Variants in SLC6A5 observed in about 807,000 individuals in gnomAD.
SLC6A5 encodes the protein solute carrier family 6 member 5.
SLC6A5 carries 58 observed loss-of-function variants against 90.5 expected under a neutral mutation model. That is an observed-to-expected ratio of 0.64 (90% CI 0.52 to 0.80). SLC6A5 has a LOEUF of 0.80. Among genes scored for constraint, SLC6A5 ranks in the 30% least tolerant of loss-of-function variants. The pLI, the probability that SLC6A5 is intolerant of heterozygous loss-of-function variation, is 0.00. For synonymous variants in SLC6A5, 427 were observed against 401.4 expected (o/e 1.06, Z -0.76); for missense variants, 1,015 against 1,017.6 (o/e 1.00, Z 0.03).
At chr11:20,647,387 AGT>A (rs1853438806) in intron 14 of SLC6A5, among the ~76,000 whole-genome samples, 2 of 142,170 alleles carry the variant, frequency 1.4e-5, no homozygotes, top group Non-Finnish European at 3.0e-5. Context: ...CCTATTATAT[AGT>A]TATATATATT....
At chr11:20,624,743 C>T (rs550008707) in intron 7 of SLC6A5, among the ~76,000 whole-genome samples, 2 of 152,318 alleles carry the variant, frequency 1.3e-5, no homozygotes, top group South Asian at 4.1e-4. Flanking sequence ...TGGATGGGAG[C>T]TTAACCTCAG....
chr11:20,608,875 T>G (rs572993885), intron 5 of SLC6A5, among the ~76,000 whole-genome samples: 5 of 150,034 alleles, frequency 3.3e-5, no homozygotes, highest in Non-Finnish European at 7.4e-5. Context: ...TTCTGCATTT[T>G]CTGCCATGAA....
chr11:20,639,164 T>G (rs1362953215), intron 13 of SLC6A5, among the ~76,000 whole-genome samples: 3 of 152,160 alleles, frequency 2.0e-5, no homozygotes, highest in Non-Finnish European at 2.9e-5. Flanking sequence ...TGGTGAGCTA[T>G]CAGATGCCAT....
chr11:20,626,193 C>T (rs940683372), intron 7 of SLC6A5, among the ~76,000 whole-genome samples: 1 of 152,234 alleles, frequency 6.6e-6, no homozygotes, highest in African/African-American at 2.4e-5. Flanking sequence ...TAAGGTCACA[C>T]AGCTAGTCAG....
intron 9 of SLC6A5, 68 bp downstream of exon 9, chr11:20,628,151 A>G (rs1853037923): frequency 8.0e-7 from 1 of 1,249,332 alleles, no homozygotes; most frequent in Non-Finnish European, 1.2e-6. Context: ...CTGAGTTATC[A>G]GACACCTGAG....
At position 20,601,507 on chromosome 11, in the gene SLC6A5, C is replaced by T. The variant is rs781152123; in HGVS notation, c.382C>T (p.Pro128Ser). Residue 128 changes from proline to serine, a missense_variant, in exon 2 of 16, where the codon CCG becomes TCG. Pro to Ser is a moderately conservative substitution (Grantham distance 74). Around this residue, in one of 3 missense-constraint regions of SLC6A5, gnomAD observed 567 missense variants for 507.3 expected, o/e 1.12. Transcript: ENST00000525748. ...CTGTAAGATCCCTTTTCTGCGAGGC[C>T]CGGAGGGGGATGCGAACGTGAGTGT... ...LHCKIPFLRG[P>S]EGDANVSVGK... 3 of 1,614,034 alleles carry T rather than the reference C, an allele frequency of 1.9e-6. No individual in the cohort carries two copies. The South Asian group carries it at 3.3e-5, about 18-fold the overall frequency.
intron 5 of SLC6A5, among the ~76,000 whole-genome samples, chr11:20,612,988 C>T (rs758229149): frequency 1.3e-5 from 2 of 152,180 alleles, no homozygotes; most frequent in African/African-American, 4.8e-5. Flanking sequence ...CCACAGTCCC[C>T]ACCTCTCTCT....
chr11:20,619,494 A>G (rs1034024847), intron 7 of SLC6A5, among the ~76,000 whole-genome samples: 22 of 152,204 alleles, frequency 1.4e-4, no homozygotes, highest in African/African-American at 5.1e-4. Context: ...GGTCAGCTAG[A>G]GAGAACCAGC....
chr11:20,612,102 G>A (rs1364779748), intron 5 of SLC6A5, among the ~76,000 whole-genome samples: 1 of 152,152 alleles, frequency 6.6e-6, no homozygotes, highest in Non-Finnish European at 1.5e-5. Flanking sequence ...TGAAAGGGAA[G>A]GGATTCTTAT....
At chr11:20,639,756 A>G (rs1274027249) in intron 13 of SLC6A5, among the ~76,000 whole-genome samples, 1 of 152,206 alleles carries the variant, frequency 6.6e-6, no homozygotes, top group African/African-American at 2.4e-5. Context: ...ACCTCCTGGT[A>G]CTCCAGAAAC....
intron 14 of SLC6A5, among the ~76,000 whole-genome samples, chr11:20,649,696 C>T (rs1853486964): frequency 6.6e-6 from 1 of 152,164 alleles, no homozygotes; most frequent in African/African-American, 2.4e-5. Flanking sequence ...ATTTATAGAG[C>T]TATAAATATT....
Position 20,637,361 on chromosome 11 carries a change from G to A in SLC6A5, c.1869+58G>A, listed in dbSNP as rs919015233. 3.5e-5 allele frequency: 52 copies of A among 1,499,806 alleles called. No homozygotes were observed. The East Asian group carries it at 4.7e-4, about 14-fold the overall frequency. The allele number at this position is 1,499,806 out of a possible 1,614,324, so 92.9% of individuals were successfully genotyped here. On this transcript the variant is annotated intron_variant, in intron 12 of 15. Coordinates refer to ENST00000525748, the MANE Select transcript of SLC6A5 (RefSeq NM_004211.5). ...GGGGCAGGAGGGTGGGGGGCCAATA[G>A]CTATCTGTCTTTCAACCCTTAGCTC...
chr11:20,617,813 GCT>G lies in SLC6A5; in HGVS notation c.1194_1195del (p.Cys399ProfsTer14). 3.1e-6 allele frequency: 5 copies of G among 1,614,158 alleles called. No homozygotes were observed. Among genetic ancestry groups the G allele is most frequent in the Non-Finnish European group, 4.2e-6 (5 of 1,180,024 alleles). On this transcript the variant is annotated frameshift_variant, in exon 7 of 16. Transcript: ENST00000525748. LOFTEE classifies it high-confidence loss of function. ...TCCTGGCGAGATCAGGTGGCCACTA[GCT>G]CTCTGCCTCTTCCTGGCTTGGGTCA... ...EYPGEIRWPL[A>X]LCLFLAWVIV...
rs558231135 is a variant in SLC6A5 at position 20,636,932 on chromosome 11, T to C, written c.1738-240T>C. Among the ~76,000 whole-genome samples the C allele has an allele frequency of 2.0e-5, 3 of 152,248 alleles. No individual in the cohort carries two copies. In the East Asian group the frequency reaches 5.8e-4, roughly 29 times the overall value. On this transcript the variant is annotated intron_variant, in intron 11 of 15. Coordinates refer to ENST00000525748, the MANE Select transcript of SLC6A5 (RefSeq NM_004211.5). ...CTTAAACTGTCCTAATGGGTGAATATGAATGCAAGTCTCTGGGGGTTGGAA... is the reference window on the plus strand; with the variant it reads ...CTTAAACTGTCCTAATGGGTGAATACGAATGCAAGTCTCTGGGGGTTGGAA...
intron 4 of SLC6A5, 116 bp from the exon 5 acceptor site, chr11:20,607,363 T>C: frequency 7.9e-7 from 1 of 1,260,370 alleles, no homozygotes; most frequent in African/African-American, 1.5e-5. Flanking sequence ...CACTCTGCTA[T>C]TAGTGCATCC....
chr11:20,653,694 T>G (rs1016830031), intron 15 of SLC6A5, among the ~76,000 whole-genome samples: 13 of 152,344 alleles, frequency 8.5e-5, no homozygotes, highest in African/African-American at 3.1e-4. Flanking sequence ...GAAATTCTGT[T>G]ATTCCCTTGA....
At chr11:20,630,315 C>T (rs1032545779) in intron 9 of SLC6A5, among the ~76,000 whole-genome samples, 3 of 152,164 alleles carry the variant, frequency 2.0e-5, no homozygotes, top group African/African-American at 7.2e-5. Flanking sequence ...CATGAGTTGG[C>T]TCTGTCTTCA....
intron 13 of SLC6A5, among the ~76,000 whole-genome samples, chr11:20,641,875 A>G (rs894922276): frequency 6.6e-6 from 1 of 152,144 alleles, no homozygotes; most frequent in African/African-American, 2.4e-5. Context: ...CTAACTGTGC[A>G]TCCCTGGCTG....
At position 20,626,674 on chromosome 11, in the gene SLC6A5, C is replaced by T. The variant is rs745411567; in HGVS notation, c.1261-34C>T. On this transcript the variant is annotated intron_variant, in intron 7 of 15. Coordinates refer to ENST00000525748, the MANE Select transcript of SLC6A5 (RefSeq NM_004211.5). Reference sequence around the variant, plus strand: ...TGCACAGGTGCACTCTGCAGGGCTGCTTCTTCCAGCCCCTCTGCCCATGGC... The same window carrying T: ...TGCACAGGTGCACTCTGCAGGGCTGTTTCTTCCAGCCCCTCTGCCCATGGC... The T allele has an allele frequency of 9.9e-6, 16 of 1,612,716 alleles. No homozygotes were observed. In the Admixed American group the frequency reaches 2.3e-4, roughly 24 times the overall value.
Sources: gnomAD v4.1 joint callset for allele counts (sites outside exome capture counted in the v4.1 genomes callset) on GRCh38, gnomAD v4.1.1 for gene constraint, gnomAD v4.1.1 regional missense constraint, MANE v1.5 for transcripts, NCBI Gene and HGNC (gene_info 2026-07-23, HGNC 2026-07-21) for gene names.